Variants in MET observed in about 807,000 individuals in gnomAD.
The protein encoded by MET is MET proto-oncogene, receptor tyrosine kinase.
Under a neutral mutation model 133.1 loss-of-function variants are expected in MET, and 48 were observed. That is an observed-to-expected ratio of 0.36 (90% CI 0.29 to 0.46). MET has a LOEUF of 0.46. MET is among the 20% of genes least tolerant of loss of function. MET has a pLI of 1.00. For synonymous variants in MET, 628 were observed against 616.5 expected (o/e 1.02, Z -0.28); for missense variants, 1,442 against 1,695.9 (o/e 0.85, Z 2.63).
Position 116,759,489 on chromosome 7 carries a change from T to C in MET, c.2363T>C (p.Val788Ala), listed in dbSNP as rs786204142. Residue 788 changes from valine to alanine, a missense_variant and splice_region_variant, in exon 10 of 21, where the codon GTG (valine) becomes GCG (alanine). Around this residue, in one of 6 missense-constraint regions of MET, gnomAD observed 514 missense variants for 659.6 expected, o/e 0.78. Coordinates refer to ENST00000397752, the MANE Select transcript of MET (RefSeq NM_000245.4). Reference protein sequence around the residue: ...NVHEAGRNFTVACQHRSNSEI... With the variant: ...NVHEAGRNFTAACQHRSNSEI... ...CATGAAGCAGGAAGGAACTTTACAG[T>C]GGTAAGTCCTTTGAGCAATGGTTCT... 4.3e-6 allele frequency: 7 copies of C among 1,612,728 alleles called. No individual in the cohort carries two copies. Among genetic ancestry groups the C allele is most frequent in the Admixed American group, 1.7e-5 (1 of 59,888 alleles).
At chr7:116,750,963 C>T (rs1306197496) in intron 5 of MET, among the ~76,000 whole-genome samples, 1 of 152,162 alleles carries the variant, frequency 6.6e-6, no homozygotes, top group Non-Finnish European at 1.5e-5. Flanking sequence ...AATGCTTTTA[C>T]ACTGTTGGTG....
In MET at chr7:116,758,591, T is replaced by C. The variant is rs1794279085; in HGVS notation, c.2235T>C (p.Tyr745=). The change falls in exon 9 of 21, where the codon TAT becomes TAC. Residue 745 remains tyrosine (Y), a synonymous_variant. Transcript: ENST00000397752. ...GTTACCGTGAAGATCCCATTGTCTATGAAATTCATCCAACCAAATCTTTTA... is the reference window on the plus strand; with the variant it reads ...GTTACCGTGAAGATCCCATTGTCTACGAAATTCATCCAACCAAATCTTTTA... The part of the protein sequence containing the change: ...IFSYREDPIV[Y]EIHPTKSFIS... 1.2e-6 allele frequency: 2 copies of C among 1,613,878 alleles called. No individual in the cohort carries two copies. The highest frequency in any genetic ancestry group is 4.5e-5 in the East Asian group (2 of 44,838).
chr7:116,777,559 C>A, intron 16 of MET, 90 bp downstream of exon 16: 2 of 1,294,968 alleles, frequency 1.5e-6, no homozygotes, highest in South Asian at 1.2e-5. Context: ...TTACACTTTC[C>A]CCTTGTGGAA....
At chr7:116,784,611 C>A (rs1275152897) in intron 19 of MET, among the ~76,000 whole-genome samples, 1 of 152,176 alleles carries the variant, frequency 6.6e-6, no homozygotes, top group Non-Finnish European at 1.5e-5. Context: ...ACAAGAACAG[C>A]ACCAAAGGAA....
chr7:116,674,819 T>C (rs1796097205), intron 1 of MET, among the ~76,000 whole-genome samples: 1 of 152,250 alleles, frequency 6.6e-6, no homozygotes, highest in Admixed American at 6.5e-5. Flanking sequence ...TGCTCGTTTC[T>C]TCTTTAGGCA....
chr7:116,764,481 G>A (rs1166681331), intron 11 of MET, among the ~76,000 whole-genome samples: 1 of 151,770 alleles, frequency 6.6e-6, no homozygotes, highest in Non-Finnish European at 1.5e-5. Flanking sequence ...TTTTCTTGAT[G>A]ATAACAAAGG....
At position 116,740,042 on chromosome 7, in the gene MET, A is replaced by G. The variant is rs760256871; in HGVS notation, c.1485A>G (p.Thr495=). Residue 495 remains threonine (T), a synonymous_variant, in exon 4 of 21, where the codon ACA becomes ACG. Coordinates refer to ENST00000397752, the MANE Select transcript of MET (RefSeq NM_000245.4). ...PVSPEVIVEH[T]LNQNGYTLVI... Reference sequence around the variant, plus strand: ...CTCCAGAAGTGATTGTGGAGCATACATTAAACCAAAATGGCTACACACTGG... The same window carrying G: ...CTCCAGAAGTGATTGTGGAGCATACGTTAAACCAAAATGGCTACACACTGG... 1 of 1,614,176 alleles carries G rather than the reference A, an allele frequency of 6.2e-7. No individual in the cohort carries two copies. The highest frequency in any genetic ancestry group is 8.5e-7 in the Non-Finnish European group (1 of 1,180,002).
At chr7:116,688,656 A>T (rs2116520322) in intron 1 of MET, among the ~76,000 whole-genome samples, 1 of 152,354 alleles carries the variant, frequency 6.6e-6, no homozygotes, top group East Asian at 1.9e-4. Flanking sequence ...TTAAAAGGAC[A>T]AAGATGTTTG....
intron 2 of MET, among the ~76,000 whole-genome samples, chr7:116,706,461 A>T (rs1791797936): frequency 6.6e-6 from 1 of 152,160 alleles, no homozygotes; most frequent in African/African-American, 2.4e-5. Context: ...CATTGACATA[A>T]ACATGATTAG....
At chr7:116,713,426 G>A (rs1223558287) in intron 2 of MET, among the ~76,000 whole-genome samples, 4 of 152,006 alleles carry the variant, frequency 2.6e-5, no homozygotes, top group African/African-American at 9.7e-5. Context: ...AGAAGTTAAG[G>A]GCAAAGGTCT....
chr7:116,778,990 ACTAG>A (rs1194000273), intron 17 of MET, 33 bp downstream of exon 17: 1 of 1,610,384 alleles, frequency 6.2e-7, no homozygotes. Flanking sequence ...TAACTGGCAA[ACTAG>A]CTGTAAGCCA....
At chr7:116,765,988 C>G (rs560044400) in intron 11 of MET, among the ~76,000 whole-genome samples, 1 of 152,160 alleles carries the variant, frequency 6.6e-6, no homozygotes. Flanking sequence ...TATATTAACT[C>G]TCATTTAATG....
At chr7:116,685,105 A>G (rs1012976656) in intron 1 of MET, among the ~76,000 whole-genome samples, 8 of 152,164 alleles carry the variant, frequency 5.3e-5, no homozygotes, top group African/African-American at 1.9e-4. Flanking sequence ...GTGGGAGTAG[A>G]TGGAGATAAC....
chr7:116,673,519 C>T (rs1007897070), intron 1 of MET, among the ~76,000 whole-genome samples: 2 of 152,196 alleles, frequency 1.3e-5, no homozygotes, highest in African/African-American at 4.8e-5. Flanking sequence ...TATCTGGACC[C>T]TCTCTTGAAT....
chr7:116,721,679 G>A (rs1241137350), intron 2 of MET, among the ~76,000 whole-genome samples: 3 of 151,954 alleles, frequency 2.0e-5, no homozygotes, highest in Non-Finnish European at 2.9e-5. Flanking sequence ...ATTCTGGTAT[G>A]TTGTGTCTTT....
chr7:116,746,131 A>T (rs1164729147), intron 5 of MET, among the ~76,000 whole-genome samples: 2 of 152,260 alleles, frequency 1.3e-5, no homozygotes, highest in African/African-American at 4.8e-5. Flanking sequence ...ATATGAACAG[A>T]CACTTCTCAA....
At chr7:116,794,222 G>A (rs992033274) in intron 19 of MET, among the ~76,000 whole-genome samples, 1 of 152,074 alleles carries the variant, frequency 6.6e-6, no homozygotes, top group South Asian at 2.1e-4. Context: ...CTAGTAACTT[G>A]AACAGTAACC....
At chr7:116,733,257 A>G (rs1471316786) in intron 3 of MET, among the ~76,000 whole-genome samples, 1 of 152,150 alleles carries the variant, frequency 6.6e-6, no homozygotes, top group African/African-American at 2.4e-5. Flanking sequence ...ATACAATTGC[A>G]AAAATACAAA....
intron 2 of MET, among the ~76,000 whole-genome samples, chr7:116,716,536 A>G (rs1011122380): frequency 7.0e-6 from 1 of 143,038 alleles, no homozygotes; most frequent in South Asian, 2.3e-4. Context: ...AAAGAAAGAA[A>G]GAAGATATGA....
Sources: allele counts gnomAD v4.1 joint callset (sites outside exome capture counted in the v4.1 genomes callset), GRCh38; gene constraint gnomAD v4.1.1; regional missense constraint gnomAD v4.1.1; transcripts MANE v1.5; gene names NCBI Gene and HGNC (gene_info 2026-07-23, HGNC 2026-07-21).